Variants in VARS1 observed in about 807,000 individuals in gnomAD.
VARS1 encodes the protein valine--tRNA ligase.
A neutral mutation model predicts 161.0 loss-of-function variants in VARS1; 92 were observed. The ratio of observed to expected loss-of-function variants is 0.57; its 90% CI spans 0.48 to 0.68. VARS1 has a LOEUF of 0.68. Ranked by LOEUF, VARS1 falls within the 30% of genes least tolerant of loss-of-function variation. The probability of loss-of-function intolerance (pLI) is 0.00; values close to 1 mark genes in which losing one functional copy is unlikely to be tolerated. For synonymous variants in VARS1, 595 were observed against 682.5 expected, an observed-to-expected ratio of 0.87 and a Z score of 2.00; for missense variants, 1,338 against 1,695.9, an observed-to-expected ratio of 0.79 and a Z score of 3.71.
In VARS1 at chr6:31,793,031, C is replaced by T. The variant is rs1002139015; in HGVS notation, c.477G>A (p.Leu159=). ...HTYLAGEAPT[L]ADLAAVTALL... ...AGGCTGTGACAGCCGCCAGGTCAGC[C>T]AGAGTGGGGGCCTCCCCGGCCAAGT... Residue 159 remains leucine, a synonymous_variant, in exon 3 of 30, where the codon CTG becomes CTA. Coordinates refer to ENST00000375663, the MANE Select transcript of VARS1 (RefSeq NM_006295.3). 1 of 1,613,014 alleles carries T rather than the reference C, an allele frequency of 6.2e-7. No homozygotes were observed. Among genetic ancestry groups the T allele is most frequent in the African/African-American group, 1.3e-5 (1 of 74,936 alleles).
chr6:31,780,309 C>G lies in VARS1; in HGVS notation c.2925+132G>C. On this transcript the variant is annotated intron_variant, in intron 25 of 29. Transcript: ENST00000375663. The surrounding 1 kb of genome is among the most constrained non-coding windows in gnomAD (Gnocchi z 5.1). ...GGGAAGAAGTGACAGGCCCCAGCCC[C>G]CAATGCGCTGGGCTTTCCCTTTAAC... 1 of 1,514,876 alleles carries G rather than the reference C, an allele frequency of 6.6e-7. No individual in the cohort carries two copies. The highest frequency in any genetic ancestry group is 8.9e-7 in the Non-Finnish European group (1 of 1,128,168). 93.8% of individuals were successfully genotyped at this position (1,514,876 alleles called of 1,614,324 possible). A position where few individuals can be genotyped will look rare whatever the true frequency, so the allele number is the denominator to read the frequency against.
At position 31,781,089 on chromosome 6, in the gene VARS1, C is replaced by T; in HGVS notation, c.2579G>A (p.Gly860Asp). 6.2e-7 allele frequency: 1 copy of T among 1,613,412 alleles called. No individual in the cohort carries two copies. Among genetic ancestry groups the T allele is most frequent in the Non-Finnish European group, 8.5e-7 (1 of 1,180,006 alleles). Residue 860 changes from glycine (G) to aspartate (D), a missense_variant, in exon 22 of 30, where the codon GGC becomes GAC. By Grantham distance (94) the Gly-to-Asp change is moderately conservative. Coordinates refer to ENST00000375663, the MANE Select transcript of VARS1 (RefSeq NM_006295.3). The surrounding 1 kb of genome is among the most constrained non-coding windows in gnomAD (Gnocchi z 6.8). ...YLHAIVRDAHGRKMSKSLGNV... is the reference protein window; with the variant it reads ...YLHAIVRDAHDRKMSKSLGNV... ...GCCTAGAGACTTGCTCATCTTCCGG[C>T]CGTGAGCATCTCGCACGATGGCATG...
chr6:31,778,480 C>T lies in VARS1; in HGVS notation c.3726+487G>A, dbSNP rs1038699142. Among the ~76,000 whole-genome samples the T allele has an allele frequency of 6.6e-6, 1 of 152,184 alleles. No individual in the cohort carries two copies. Among genetic ancestry groups the T allele is most frequent in the African/African-American group, 2.4e-5 (1 of 41,444 alleles). On this transcript the variant is annotated intron_variant, in intron 29 of 29. Transcript: ENST00000375663. This position sits in a 1 kb window ranked among gnomAD's most constrained non-coding sequence, Gnocchi z 5.1. ...GATTCCCCAGGGTTGGGTACAGAGT[C>T]CAGCTTCCAGACCAGGATTGGTTTT...
Position 31,784,498 on chromosome 6 carries a change from T to C in VARS1, c.1472A>G (p.Asp491Gly). The C allele has an allele frequency of 6.2e-7, 1 of 1,614,026 alleles. No homozygotes were observed. The highest frequency in any genetic ancestry group is 8.5e-7 in the Non-Finnish European group (1 of 1,180,032). Residue 491 changes from aspartate to glycine, a missense_variant, in exon 12 of 30, where the codon GAT (aspartate) becomes GGT (glycine). Physicochemically the swap from Asp to Gly is moderately conservative, Grantham distance 94. Transcript: ENST00000375663. The surrounding 1 kb of genome is among the most constrained non-coding windows in gnomAD (Gnocchi z 6.1). ...LNSAISDIEVDKKELTGRTLL... is the reference protein window; with the variant it reads ...LNSAISDIEVGKKELTGRTLL... ...GGTGCGACCTGTCAGCTCCTTCTTA[T>C]CCACCTGTAAAATGGGTATTTAGAG...
In VARS1 at chr6:31,785,988, T is replaced by C. The variant is rs749624500; in HGVS notation, c.1101-255A>G. Among the ~76,000 whole-genome samples, 2 of 151,994 alleles carry C rather than the reference T, an allele frequency of 1.3e-5. No homozygotes were observed. The highest frequency in any genetic ancestry group is 2.9e-5 in the Non-Finnish European group (2 of 68,000). ...CTAAAAATACAAAATTAGCTGGGCA[T>C]GGTGGCATGCGCCTGTAATCCCAGC... On this transcript the variant is annotated intron_variant, in intron 8 of 29. Coordinates refer to ENST00000375663, the MANE Select transcript of VARS1 (RefSeq NM_006295.3). This position sits in a 1 kb window ranked among gnomAD's most constrained non-coding sequence, Gnocchi z 6.1.
rs1813435776 is a variant in VARS1, at chr6:31,785,469, G to A, written c.1265+100C>T. On this transcript the variant is annotated intron_variant, in intron 9 of 29. Transcript: ENST00000375663. The surrounding 1 kb of genome is among the most constrained non-coding windows in gnomAD (Gnocchi z 6.1). ...CCAACTGACTCTGCCTCTGTGGGAG[G>A]GTCTGACCCTGTGGCCAAGGGGTTA... 5 of 1,520,126 alleles carry A rather than the reference G, an allele frequency of 3.3e-6. No homozygotes were observed. The highest frequency in any genetic ancestry group is 8.9e-7 in the Non-Finnish European group (1 of 1,127,420). The allele number at this position is 1,520,126 out of a possible 1,614,324, so 94.2% of individuals were successfully genotyped here. A position where few individuals can be genotyped will look rare whatever the true frequency, so the allele number is the denominator to read the frequency against.
At position 31,779,771 on chromosome 6, in the gene VARS1, G is replaced by A; in HGVS notation, c.3125C>T (p.Ala1042Val). 1 of 1,613,034 alleles carries A rather than the reference G, an allele frequency of 6.2e-7. No homozygotes were observed. Among genetic ancestry groups the A allele is most frequent in the Non-Finnish European group, 8.5e-7 (1 of 1,180,006 alleles). ...GTACAGGGTCTGGCGGGCACACTCA[G>A]CTGCCACCTGGTCCACCCCATTCAG... ...PVLNGVDQVA[A>V]ECARQTLYTC... The change falls in exon 27 of 30, where the codon GCT becomes GTT. Residue 1042 changes from alanine to valine, a missense_variant. Physicochemically the swap from Ala to Val is moderately conservative, Grantham distance 64. Transcript: ENST00000375663. The surrounding 1 kb of genome is among the most constrained non-coding windows in gnomAD (Gnocchi z 9.1).
rs1813989820 is a variant in VARS1 at position 31,792,988 on chromosome 6, A to G, written c.520T>C (p.Tyr174His). 3 of 1,613,702 alleles carry G rather than the reference A, an allele frequency of 1.9e-6. No homozygotes were observed. The highest frequency in any genetic ancestry group is 2.5e-6 in the Non-Finnish European group (3 of 1,180,038). Residue 174 changes from tyrosine to histidine, a missense_variant and splice_region_variant, in exon 3 of 30, where the codon TAC becomes CAC. This residue lies in a region of VARS1 where 902 missense variants were observed against 1,090.3 expected (regional missense o/e 0.83). Transcript: ENST00000375663. ...CTTCCCCAGGCCTGGTGACTCACGTATCGGAAAGGCAGCAGCAAGGCTGTG... is the reference window on the plus strand; with the variant it reads ...CTTCCCCAGGCCTGGTGACTCACGTGTCGGAAAGGCAGCAGCAAGGCTGTG... Reference protein sequence around the residue: ...AVTALLLPFRYVLDPPARRIW... With the variant: ...AVTALLLPFRHVLDPPARRIW...
chr6:31,788,523 C>A (rs1009885025), intron 8 of VARS1, among the ~76,000 whole-genome samples: 37 of 128,842 alleles, frequency 2.9e-4, no homozygotes, highest in African/African-American at 7.7e-4. Flanking sequence ...AAAAAAAAAA[C>A]AGGCCAGGCG....
At position 31,782,365 on chromosome 6, in the gene VARS1, G is replaced by T; in HGVS notation, c.2070C>A (p.Ser690Arg). 1 of 1,612,688 alleles carries T rather than the reference G, an allele frequency of 6.2e-7. No homozygotes were observed. The highest frequency in any genetic ancestry group is 8.5e-7 in the Non-Finnish European group (1 of 1,179,874). The change falls in exon 17 of 30, where the codon AGC (serine) becomes AGA (arginine). Residue 690 changes from serine to arginine, a missense_variant. By Grantham distance (110) the Ser-to-Arg change is moderately radical. Coordinates refer to ENST00000375663, the MANE Select transcript of VARS1 (RefSeq NM_006295.3). The surrounding 1 kb of genome is among the most constrained non-coding windows in gnomAD (Gnocchi z 8.3). ...VRCGEMAQAASAAVTRGDLRI... is the reference protein window; with the variant it reads ...VRCGEMAQAARAAVTRGDLRI... ...GGAGGTCACCCCGAGTCACAGCGGC[G>T]CTGGCAGCCTGGGCCATCTCCCCGC...
Position 31,792,879 on chromosome 6 carries a change from G to A in VARS1, c.539C>T (p.Ala180Val), listed in dbSNP as rs140959510. Reference sequence around the variant, plus strand: ...AGTCACATTATTCCAGATCCGGCGGGCAGGTGGGTCTAGGACCTGGAACAG... The same window carrying A: ...AGTCACATTATTCCAGATCCGGCGGACAGGTGGGTCTAGGACCTGGAACAG... ...LPFRYVLDPP[A>V]RRIWNNVTRW... Residue 180 changes from alanine to valine, a missense_variant, in exon 4 of 30, where the codon GCC (alanine) becomes GTC (valine). This residue lies in a region of VARS1 where 902 missense variants were observed against 1,090.3 expected (regional missense o/e 0.83). Transcript: ENST00000375663. The A allele has an allele frequency of 8.7e-5, 141 of 1,614,160 alleles. No homozygotes were observed. In the African/African-American group the frequency reaches 1.8e-3, roughly 21 times the overall value.
intron 8 of VARS1, among the ~76,000 whole-genome samples, chr6:31,789,038 T>C (rs1813702754): frequency 6.6e-6 from 1 of 151,966 alleles, no homozygotes; most frequent in Non-Finnish European, 1.5e-5. Context: ...CCAAAAATGG[T>C]AAAGTTATTT....
In VARS1 at chr6:31,780,566, G is replaced by T; in HGVS notation, c.2800C>A (p.Arg934Ser). 2 of 1,613,570 alleles carry T rather than the reference G, an allele frequency of 1.2e-6. No homozygotes were observed. The highest frequency in any genetic ancestry group is 1.7e-6 in the Non-Finnish European group (2 of 1,179,736). ...FGLCAYMSQGRDINLDVNRIL... is the reference protein window; with the variant it reads ...FGLCAYMSQGSDINLDVNRIL... ...CGGTTCACATCCAGGTTGATGTCAC[G>T]ACCTGGGTCGGGGGTGAGATGTGAG... The change falls in exon 25 of 30, where the codon CGT (arginine) becomes AGT (serine). Residue 934 changes from arginine to serine, a missense_variant and splice_region_variant. By Grantham distance (110) the Arg-to-Ser change is moderately radical. This residue lies in a region of VARS1 where 433 missense variants were observed against 586.2 expected (regional missense o/e 0.74). Coordinates refer to ENST00000375663, the MANE Select transcript of VARS1 (RefSeq NM_006295.3). This position sits in a 1 kb window ranked among gnomAD's most constrained non-coding sequence, Gnocchi z 5.1.
At position 31,789,727 on chromosome 6, in the gene VARS1, T is replaced by C. The variant is rs1261518103; in HGVS notation, c.1100+1883A>G. On this transcript the variant is annotated intron_variant, in intron 8 of 29. Transcript: ENST00000375663. ...GAATTGTCTTGGGCCACAGATAAAA[T>C]ACACTAACACTGGCTGGGAGCAGTG... is the stretch of plus-strand genomic sequence containing the variant. 2.6e-5 allele frequency among the ~76,000 whole-genome samples: 4 copies of C among 152,034 alleles called. No individual in the cohort carries two copies. In the South Asian group the frequency reaches 8.3e-4, roughly 32 times the overall value.
At position 31,795,054 on chromosome 6, in the gene VARS1, G is replaced by A; in HGVS notation, c.164C>T (p.Pro55Leu). 6.5e-7 allele frequency: 1 copy of A among 1,545,704 alleles called. No homozygotes were observed. Among genetic ancestry groups the A allele is most frequent in the Non-Finnish European group, 8.8e-7 (1 of 1,142,144 alleles). Reference protein sequence around the residue: ...PPTSRTPFPPPRLPALEQGPG... With the variant: ...PPTSRTPFPPLRLPALEQGPG... ...CCCCTGCTCCAGGGCCGGCAGGCGG[G>A]GTGGGGGAAAGGGAGTCCTGCTAGT... is the stretch of plus-strand genomic sequence containing the variant. Residue 55 changes from proline to leucine, a missense_variant, in exon 2 of 30, where the codon CCC (proline) becomes CTC (leucine). Coordinates refer to ENST00000375663, the MANE Select transcript of VARS1 (RefSeq NM_006295.3). The surrounding 1 kb of genome is among the most constrained non-coding windows in gnomAD (Gnocchi z 6.9).
Position 31,781,004 on chromosome 6 carries a change from C to T in VARS1, c.2649+15G>A. On this transcript the variant is annotated intron_variant, in intron 22 of 29. Transcript: ENST00000375663. The surrounding 1 kb of genome is among the most constrained non-coding windows in gnomAD (Gnocchi z 6.8). ...GCCCCACGGCCCTTCCTGGCTGGCC[C>T]AGCACCCAGCCCACCTGCAGGGAGA... 1 of 1,614,060 alleles carries T rather than the reference C, an allele frequency of 6.2e-7. No individual in the cohort carries two copies. Among genetic ancestry groups the T allele is most frequent in the Non-Finnish European group, 8.5e-7 (1 of 1,179,956 alleles).
Position 31,780,600 on chromosome 6 carries a change from A to T in VARS1, c.2798-32T>A. Reference sequence around the variant, plus strand: ...CGGGGGTGAGATGTGAGTCCTCATCACCCTCTTCCCAGCCCATGCCCACCA... The same window carrying T: ...CGGGGGTGAGATGTGAGTCCTCATCTCCCTCTTCCCAGCCCATGCCCACCA... On this transcript the variant is annotated intron_variant, in intron 24 of 29. Coordinates refer to ENST00000375663, the MANE Select transcript of VARS1 (RefSeq NM_006295.3). The surrounding 1 kb of genome is among the most constrained non-coding windows in gnomAD (Gnocchi z 5.1). The T allele has an allele frequency of 6.2e-7, 1 of 1,611,232 alleles. No homozygotes were observed. Among genetic ancestry groups the T allele is most frequent in the South Asian group, 1.1e-5 (1 of 90,892 alleles).
chr6:31,788,510 A>AC (rs1813658188), intron 8 of VARS1, among the ~76,000 whole-genome samples: 1 of 140,380 alleles, frequency 7.1e-6, no homozygotes. Context: ...AACAAAAAAA[A>AC]CAAAAAAAAA....
rs1812899369 is a variant in VARS1, at chr6:31,778,687, T to C, written c.3726+280A>G. 3 of 514,290 alleles carry C rather than the reference T, an allele frequency of 5.8e-6. No homozygotes were observed. Among genetic ancestry groups the C allele is most frequent in the Non-Finnish European group, 6.9e-6 (2 of 290,418 alleles). The allele number at this position is 514,290 out of a possible 1,614,324, so 31.9% of individuals were successfully genotyped here. A position where few individuals can be genotyped will look rare whatever the true frequency, so the allele number is the denominator to read the frequency against. ...ACTATGGCCAGCTAATTTTTGTATT[T>C]TTGTTGTAGAGATGGGATTTCACCA... On this transcript the variant is annotated intron_variant, in intron 29 of 29. Transcript: ENST00000375663. This position sits in a 1 kb window ranked among gnomAD's most constrained non-coding sequence, Gnocchi z 5.1.
Sources: allele counts gnomAD v4.1 joint callset (sites outside exome capture counted in the v4.1 genomes callset), GRCh38; gene constraint gnomAD v4.1.1; regional missense constraint gnomAD v4.1.1; non-coding constraint Gnocchi (gnomAD v3.1); transcripts MANE v1.5; gene names NCBI Gene and HGNC (gene_info 2026-07-23, HGNC 2026-07-21).